Variants in CRIP2 observed in about 807,000 individuals in gnomAD.
CRIP2 encodes the protein cysteine-rich protein 2.
Under a neutral mutation model 31.3 loss-of-function variants are expected in CRIP2, and 31 were observed. That is an observed-to-expected ratio of 0.99 (90% CI 0.74 to 1.34). CRIP2 has a LOEUF of 1.34. Among genes scored for constraint, CRIP2 ranks in the 40% most tolerant of loss-of-function variants. CRIP2 has a pLI of 0.00. For synonymous variants in CRIP2, 177 were observed against 127.2 expected (o/e 1.39, Z -2.63); for missense variants, 389 against 301.6 (o/e 1.29, Z -2.15).
At chr14:105,476,685 T>G in intron 1 of CRIP2, 1 of 985,444 alleles carries the variant, frequency 1.0e-6, no homozygotes, top group Non-Finnish European at 1.2e-6. Context: ...CCACCGAGAC[T>G]TCCTTGCTGC....
In CRIP2 at chr14:105,479,793, C is replaced by T. The variant is rs1360292221; in HGVS notation, c.*140C>T. On this transcript the variant is annotated 3_prime_UTR_variant, in exon 8 of 8. Coordinates refer to ENST00000329146, the MANE Select transcript of CRIP2 (RefSeq NM_001312.4). ...GCGAGTATTGGAGGAGGGGCAGCCA[C>T]GGGCAGAGCACCATGCCCATCCCCG... 3.6e-5 allele frequency: 32 copies of T among 890,414 alleles called. No homozygotes were observed. The highest frequency in any genetic ancestry group is 3.3e-4 in the Middle Eastern group (1 of 2,994). The allele number at this position is 890,414 out of a possible 1,614,324, so 55.2% of individuals were successfully genotyped here. A position where few individuals can be genotyped will look rare whatever the true frequency, so the allele number is the denominator to read the frequency against.
upstream of CRIP2, among the ~76,000 whole-genome samples, chr14:105,473,959 C>T (rs1348727083): frequency 2.0e-5 from 3 of 152,208 alleles, no homozygotes; most frequent in African/African-American, 7.2e-5. Flanking sequence ...ACGCCCACTC[C>T]TTCCCCTCCT....
At chr14:105,475,119 G>C (rs1177222103) in intron 1 of CRIP2, among the ~76,000 whole-genome samples, 1 of 152,124 alleles carries the variant, frequency 6.6e-6, no homozygotes, top group African/African-American at 2.4e-5. Flanking sequence ...CCCGAACCCC[G>C]AAGCGGCTTG....
At chr14:105,474,731 G>A, upstream of CRIP2, 1 of 1,023,346 alleles carries the variant, frequency 9.8e-7, no homozygotes, top group Non-Finnish European at 1.2e-6. This position sits in a 1 kb window ranked among gnomAD's most constrained non-coding sequence, Gnocchi z 5.1. Flanking sequence ...CCCGGGGGAC[G>A]GGTTATCGAG....
intron 7 of CRIP2, 45 bp from the exon 8 acceptor site, chr14:105,479,541 C>A: frequency 6.2e-7 from 1 of 1,612,784 alleles, no homozygotes. Flanking sequence ...CCCTCCCCTT[C>A]CCTCCACTGT....
Position 105,479,039 on chromosome 14 carries a change from T to C in CRIP2, c.398T>C (p.Val133Ala), listed in dbSNP as rs1555436662. Residue 133 changes from valine to alanine, a missense_variant, in exon 5 of 8, where the codon GTG becomes GCG. By Grantham distance (64) the Val-to-Ala change is moderately conservative. Transcript: ENST00000329146. The part of the protein sequence containing the change: ...PNTCPRCSKK[V>A]YFAEKVTSLG... Reference sequence around the variant, plus strand: ...ACGTGCCCGCGCTGCAGCAAGAAGGTGTACTTCGGTGAGTGCGCGCCCGGG... The same window carrying C: ...ACGTGCCCGCGCTGCAGCAAGAAGGCGTACTTCGGTGAGTGCGCGCCCGGG... The C allele has an allele frequency of 6.3e-7, 1 of 1,577,638 alleles. No individual in the cohort carries two copies. The highest frequency in any genetic ancestry group is 8.6e-7 in the Non-Finnish European group (1 of 1,164,180).
upstream of CRIP2, chr14:105,474,776 G>A (rs1205769982): frequency 2.6e-6 from 3 of 1,171,762 alleles, no homozygotes; most frequent in East Asian, 1.3e-4. This position sits in a 1 kb window ranked among gnomAD's most constrained non-coding sequence, Gnocchi z 5.1. Context: ...TGGGCGCGCG[G>A]ACAGCCGGGC....
upstream of CRIP2, chr14:105,474,646 C>T (rs2083893189): frequency 5.2e-6 from 2 of 382,216 alleles, no homozygotes; most frequent in Non-Finnish European, 7.1e-6. The surrounding 1 kb of genome is among the most constrained non-coding windows in gnomAD (Gnocchi z 5.1). Flanking sequence ...GGCGCCAGGC[C>T]TGGCCCGGCT....
intron 1 of CRIP2, chr14:105,477,491 GTGC>G (rs1249835746): frequency 4.1e-6 from 4 of 984,842 alleles, no homozygotes; most frequent in Non-Finnish European, 4.8e-6. Flanking sequence ...CAGCAGCGGG[GTGC>G]TGCCAGCCCC....
rs782070816 is a variant in CRIP2 at position 105,478,395 on chromosome 14, G to T, written c.138+35G>T. The T allele has an allele frequency of 6.3e-6, 10 of 1,576,110 alleles. No individual in the cohort carries two copies. The highest frequency in any genetic ancestry group is 1.7e-4 in the Middle Eastern group (1 of 5,940). On this transcript the variant is annotated intron_variant, in intron 2 of 7. Coordinates refer to ENST00000329146, the MANE Select transcript of CRIP2 (RefSeq NM_001312.4). The surrounding 1 kb of genome is among the most constrained non-coding windows in gnomAD (Gnocchi z 4.9). ...ACTGCGCGGCGCGGGCGGGGGCGGG[G>T]GTCGCGACTCCCGCCACCCTCAGGC...
chr14:105,479,818 G>A lies in CRIP2; in HGVS notation c.*165G>A, dbSNP rs587716163. On this transcript the variant is annotated 3_prime_UTR_variant, in exon 8 of 8. Coordinates refer to ENST00000329146, the MANE Select transcript of CRIP2 (RefSeq NM_001312.4). ...CGGGCAGAGCACCATGCCCATCCCC[G>A]AGTCTCTGGTGTGTCTGCCCCCTCT... is the stretch of plus-strand genomic sequence containing the variant. The A allele has an allele frequency of 2.5e-4, 178 of 719,356 alleles. No homozygotes were observed. In the African/African-American group the frequency reaches 2.7e-3, roughly 11 times the overall value. 44.6% of individuals were successfully genotyped at this position (719,356 alleles called of 1,614,324 possible). A position where few individuals can be genotyped will look rare whatever the true frequency, so the allele number is the denominator to read the frequency against.
Position 105,479,036 on chromosome 14 carries a change from A to C in CRIP2, c.395A>C (p.Lys132Thr). The change falls in exon 5 of 8, where the codon AAG (lysine) becomes ACG (threonine). Residue 132 changes from lysine to threonine, a missense_variant. Transcript: ENST00000329146. ...AACACGTGCCCGCGCTGCAGCAAGA[A>C]GGTGTACTTCGGTGAGTGCGCGCCC... ...EPNTCPRCSK[K>T]VYFAEKVTSL... 1 of 1,581,482 alleles carries C rather than the reference A, an allele frequency of 6.3e-7. No homozygotes were observed. Among genetic ancestry groups the C allele is most frequent in the Non-Finnish European group, 8.6e-7 (1 of 1,166,196 alleles).
chr14:105,474,799 G>T, upstream of CRIP2: 2 of 1,273,516 alleles, frequency 1.6e-6, no homozygotes, highest in Non-Finnish European at 2.0e-6. The surrounding 1 kb of genome is among the most constrained non-coding windows in gnomAD (Gnocchi z 5.1). Flanking sequence ...GCGGGGCTGG[G>T]CGCGGGCGGC....
Position 105,479,002 on chromosome 14 carries a change from G to C in CRIP2, c.361G>C (p.Gly121Arg). ...SRASSVTTFT[G>R]EPNTCPRCSK... ...AGCCTCCAGTGTCACCACTTTCACCGGGGAGCCCAACACGTGCCCGCGCTG... is the reference window on the plus strand; with the variant it reads ...AGCCTCCAGTGTCACCACTTTCACCCGGGAGCCCAACACGTGCCCGCGCTG... The change falls in exon 5 of 8, where the codon GGG becomes CGG. Residue 121 changes from glycine (G) to arginine (R), a missense_variant. Transcript: ENST00000329146. The C allele has an allele frequency of 6.4e-7, 1 of 1,572,258 alleles. No homozygotes were observed. Among genetic ancestry groups the C allele is most frequent in the Non-Finnish European group, 8.6e-7 (1 of 1,161,952 alleles).
Position 105,479,066 on chromosome 14 carries a change from C to T in CRIP2, c.406+19C>T. The T allele has an allele frequency of 6.4e-7, 1 of 1,566,088 alleles. No individual in the cohort carries two copies. The highest frequency in any genetic ancestry group is 8.6e-7 in the Non-Finnish European group (1 of 1,156,550). Reference sequence around the variant, plus strand: ...TACTTCGGTGAGTGCGCGCCCGGGCCCCGGACCCCCGCCCCCGCCCCCGCC... The same window carrying T: ...TACTTCGGTGAGTGCGCGCCCGGGCTCCGGACCCCCGCCCCCGCCCCCGCC... On this transcript the variant is annotated intron_variant, in intron 5 of 7. Transcript: ENST00000329146.
At position 105,474,939 on chromosome 14, in the gene CRIP2, C is replaced by T; in HGVS notation, c.43+34C>T. 1.3e-6 allele frequency: 2 copies of T among 1,485,326 alleles called. No individual in the cohort carries two copies. The highest frequency in any genetic ancestry group is 1.8e-6 in the Non-Finnish European group (2 of 1,115,696). The allele number at this position is 1,485,326 out of a possible 1,614,324, so 92.0% of individuals were successfully genotyped here. A position where few individuals can be genotyped will look rare whatever the true frequency, so the allele number is the denominator to read the frequency against. On this transcript the variant is annotated intron_variant, in intron 1 of 7. Transcript: ENST00000329146. The surrounding 1 kb of genome is among the most constrained non-coding windows in gnomAD (Gnocchi z 5.1). ...GTGCCCGCTCCCGGCCCGCTCGGTG[C>T]ATCCCGCCGCCCTTCGCGGCCAGTC...
chr14:105,479,416 G>A lies in CRIP2; in HGVS notation c.502-20G>A. 6.2e-7 allele frequency: 1 copy of A among 1,612,536 alleles called. No individual in the cohort carries two copies. Among genetic ancestry groups the A allele is most frequent in the Non-Finnish European group, 8.5e-7 (1 of 1,179,906 alleles). Reference sequence around the variant, plus strand: ...GGGGAGTCTGTGGACTCCTCCCTCAGCACCCACCTTCTGCCCCAGCACGAC... The same window carrying A: ...GGGGAGTCTGTGGACTCCTCCCTCAACACCCACCTTCTGCCCCAGCACGAC... On this transcript the variant is annotated intron_variant, in intron 6 of 7. Coordinates refer to ENST00000329146, the MANE Select transcript of CRIP2 (RefSeq NM_001312.4).
At chr14:105,476,909 TG>T in intron 1 of CRIP2, 1 of 367,882 alleles carries the variant, frequency 2.7e-6, no homozygotes, top group Non-Finnish European at 3.8e-6. Flanking sequence ...GTAGGCCACC[TG>T]GGGGATCCCA....
upstream of CRIP2, chr14:105,473,541 C>T (rs1229235533): frequency 1.3e-6 from 2 of 1,526,158 alleles, no homozygotes; most frequent in Non-Finnish European, 1.8e-6. Context: ...CCCACAGCCT[C>T]CAAGACACAG....
Sources: gnomAD v4.1 joint callset for allele counts (sites outside exome capture counted in the v4.1 genomes callset) on GRCh38, gnomAD v4.1.1 for gene constraint, Gnocchi (gnomAD v3.1) non-coding constraint, MANE v1.5 for transcripts, NCBI Gene and HGNC (gene_info 2026-07-23, HGNC 2026-07-21) for gene names.